Variants in BOD1L1 observed in about 807,000 individuals in gnomAD.
BOD1L1 encodes biorientation of chromosomes in cell division 1 like 1, also known as biorientation of chromosomes in cell division protein 1-like 1.
A neutral mutation model predicts 240.7 loss-of-function variants in BOD1L1; 86 were observed. That is an observed-to-expected ratio of 0.36 (90% confidence interval 0.30 to 0.43). BOD1L1 has a LOEUF of 0.43. Ranked by LOEUF, BOD1L1 falls within the 20% of genes least tolerant of loss-of-function variation. The pLI, the probability that BOD1L1 is intolerant of heterozygous loss-of-function variation, is 1.00. For synonymous variants in BOD1L1, 1,268 were observed against 1,272.3 expected (o/e 1.00, Z 0.07); for missense variants, 3,554 against 3,643.5 (o/e 0.98, Z 0.63).
Position 13,599,647 on chromosome 4 carries a change from G to A in BOD1L1, c.7253C>T (p.Ala2418Val), listed in dbSNP as rs1401949798. 1 of 1,613,858 alleles carries A rather than the reference G, an allele frequency of 6.2e-7. No individual in the cohort carries two copies. Among genetic ancestry groups the A allele is most frequent in the East Asian group, 2.2e-5 (1 of 44,896 alleles). ...HNGPSVHKPSAGQGHPSAVCA... is the reference protein window; with the variant it reads ...HNGPSVHKPSVGQGHPSAVCA... ...AACAGCACTTGGATGGCCTTGCCCT[G>A]CAGAGGGCTTGTGGACTGATGGCCC... The change falls in exon 10 of 26, where the codon GCA becomes GTA. Residue 2418 changes from alanine (A) to valine (V), a missense_variant. By Grantham distance (64) the Ala-to-Val change is moderately conservative (BLOSUM62 0). Transcript: ENST00000040738.
At position 13,609,377 on chromosome 4, in the gene BOD1L1, T is replaced by C; in HGVS notation, c.1521A>G (p.Arg507=). ...IAKEKEERLL[R]RQINREKLEE... ...CAAGTTTTTCTCTATTGATTTGCCT[T>C]CTTAAAAGCCTCTCTTCTTTTTCTT... Residue 507 remains arginine (R), a synonymous_variant, in exon 7 of 26, where the codon AGA becomes AGG. Coordinates refer to ENST00000040738, the MANE Select transcript of BOD1L1 (RefSeq NM_148894.3). 1.3e-6 allele frequency: 2 copies of C among 1,535,236 alleles called. No individual in the cohort carries two copies. Among genetic ancestry groups the C allele is most frequent in the East Asian group, 4.8e-5 (2 of 41,476 alleles).
At chr4:13,622,015 C>A (rs1238937489) in intron 1 of BOD1L1, among the ~76,000 whole-genome samples, 4 of 151,940 alleles carry the variant, frequency 2.6e-5, no homozygotes, top group African/African-American at 9.7e-5. Flanking sequence ...CAGGCATGCG[C>A]CACCACACCT....
At position 13,603,028 on chromosome 4, in the gene BOD1L1, G is replaced by A. The variant is rs1371003663; in HGVS notation, c.3872C>T (p.Pro1291Leu). The change falls in exon 10 of 26, where the codon CCT becomes CTT. Residue 1291 changes from proline to leucine, a missense_variant. Pro to Leu is a moderately conservative substitution (Grantham distance 98). Transcript: ENST00000040738. ...SPSLSSVTVV[P>L]LRESYDPDVI... ...ATCTGGATCATACGATTCCCTCAGA[G>A]GCACAACAGTCACTGAACTTAAGGA... 6.2e-7 allele frequency: 1 copy of A among 1,613,970 alleles called. No homozygotes were observed. The highest frequency in any genetic ancestry group is 8.5e-7 in the Non-Finnish European group (1 of 1,179,874).
chr4:13,576,322 A>G (rs1279437070), intron 25 of BOD1L1, among the ~76,000 whole-genome samples: 1 of 152,176 alleles, frequency 6.6e-6, no homozygotes, highest in Admixed American at 6.5e-5. Flanking sequence ...TCTGGCTACA[A>G]TAGGGTTTGA....
chr4:13,588,119 C>A (rs768441494), intron 15 of BOD1L1, among the ~76,000 whole-genome samples: 2 of 147,446 alleles, frequency 1.4e-5, no homozygotes, highest in Non-Finnish European at 3.0e-5. Flanking sequence ...ACCCCGGAGG[C>A]GGAGCTTGCA....
At chr4:13,608,810 T>A in intron 7 of BOD1L1, 142 bp from the exon 8 acceptor site, 2 of 631,862 alleles carry the variant, frequency 3.2e-6, no homozygotes, top group Admixed American at 4.1e-5. Context: ...ATAGATATAA[T>A]ATTTTGGATG....
chr4:13,576,022 C>G (rs1019288726), intron 25 of BOD1L1, among the ~76,000 whole-genome samples: 4 of 151,366 alleles, frequency 2.6e-5, no homozygotes, highest in African/African-American at 9.7e-5. Flanking sequence ...CCTGCCTCAG[C>G]CTCCCGAGTA....
chr4:13,608,493 G>T, intron 8 of BOD1L1, 37 bp downstream of exon 8: 1 of 1,457,808 alleles, frequency 6.9e-7, no homozygotes, highest in Non-Finnish European at 9.0e-7. Flanking sequence ...ACCCAGGGGA[G>T]TGTTATAAGG....
At position 13,599,938 on chromosome 4, in the gene BOD1L1, A is replaced by G. The variant is rs779555940; in HGVS notation, c.6962T>C (p.Val2321Ala). Residue 2321 changes from valine (V) to alanine (A), a missense_variant, in exon 10 of 26, where the codon GTA becomes GCA. Coordinates refer to ENST00000040738, the MANE Select transcript of BOD1L1 (RefSeq NM_148894.3). The part of the protein sequence containing the change: ...QDEDRLTITR[V>A]EDLSDAAIIS... ...GATGGCAGCATCGCTCAAGTCTTCT[A>G]CTCTTGTGATGGTGAGCCGATCTTC... 2 of 1,613,060 alleles carry G rather than the reference A, an allele frequency of 1.2e-6. No individual in the cohort carries two copies. The highest frequency in any genetic ancestry group is 1.7e-6 in the Non-Finnish European group (2 of 1,179,534).
rs1715437021 is a variant in BOD1L1 at position 13,603,847 on chromosome 4, T to C, written c.3053A>G (p.Asp1018Gly). The C allele has an allele frequency of 1.2e-6, 2 of 1,613,512 alleles. No homozygotes were observed. Among genetic ancestry groups the C allele is most frequent in the East Asian group, 2.2e-5 (1 of 44,878 alleles). The stretch of plus-strand genomic sequence containing the variant: ...CTTTAAGCTTCTGCTTTTGTGGCCA[T>C]CTGACAACTTTCTCTCAAGCCTGGT... The part of the protein sequence containing the change: ...TSTRLERKLS[D>G]GHKSRSLKHS... The change falls in exon 10 of 26, where the codon GAT becomes GGT. Residue 1018 changes from aspartate to glycine, a missense_variant. Transcript: ENST00000040738.
At chr4:13,581,857 T>G (rs1164079055) in intron 19 of BOD1L1, among the ~76,000 whole-genome samples, 1 of 152,190 alleles carries the variant, frequency 6.6e-6, no homozygotes, top group African/African-American at 2.4e-5. Flanking sequence ...CACACCCTGC[T>G]GCTGTTCCTA....
chr4:13,615,618 T>C (rs1716525634), intron 2 of BOD1L1, 116 bp from the exon 3 acceptor site: 10 of 998,120 alleles, frequency 1.0e-5, no homozygotes, highest in Non-Finnish European at 7.1e-6. Flanking sequence ...CAACCTTAAA[T>C]TGTCCCAATC....
chr4:13,602,288 C>G lies in BOD1L1; in HGVS notation c.4612G>C (p.Ala1538Pro). 2 of 1,613,836 alleles carry G rather than the reference C, an allele frequency of 1.2e-6. No homozygotes were observed. Among genetic ancestry groups the G allele is most frequent in the South Asian group, 2.2e-5 (2 of 91,058 alleles). ...CTTGTTTCTGAAGAAGTGGTTGTGG[C>G]AGGCCCAGCCTTCACTGGACTTAAG... ...VTLSPVKAGP[A>P]TTTSSETRQS... Residue 1538 changes from alanine to proline, a missense_variant, in exon 10 of 26, where the codon GCC (alanine) becomes CCC (proline). This residue lies in a region of BOD1L1 where 3,393 missense variants were observed against 3,427.1 expected (regional missense o/e 0.99). Coordinates refer to ENST00000040738, the MANE Select transcript of BOD1L1 (RefSeq NM_148894.3).
intron 25 of BOD1L1, 92 bp downstream of exon 25, chr4:13,576,746 T>G: frequency 1.4e-6 from 2 of 1,443,302 alleles, no homozygotes; most frequent in Non-Finnish European, 1.9e-6. Flanking sequence ...GCATGAATGA[T>G]TCAGTTCAAA....
Position 13,587,873 on chromosome 4 carries a change from T to C in BOD1L1, c.8281-102A>G, listed in dbSNP as rs187574616. The C allele has an allele frequency of 2.1e-3, 1,612 of 774,136 alleles. 2 individuals are homozygous for C. The highest frequency in any genetic ancestry group is 9.5e-3 in the African/African-American group (548 of 57,512). 48.0% of individuals were successfully genotyped at this position (774,136 alleles called of 1,614,324 possible). A position where few individuals can be genotyped will look rare whatever the true frequency, so the allele number is the denominator to read the frequency against. On this transcript the variant is annotated intron_variant, in intron 15 of 25. Transcript: ENST00000040738. ...GATTCTAACCTTTGGAATAAGTTGA[T>C]ATATAAATTTTTTAAAAATCTAGAA...
At position 13,597,308 on chromosome 4, in the gene BOD1L1, G is replaced by T. The variant is rs1714706252; in HGVS notation, c.7955-140C>A. 6 of 647,456 alleles carry T rather than the reference G, an allele frequency of 9.3e-6. No homozygotes were observed. In the South Asian group the frequency reaches 9.3e-5, roughly 10 times the overall value. 40.1% of individuals were successfully genotyped at this position (647,456 alleles called of 1,614,324 possible). On this transcript the variant is annotated intron_variant, in intron 10 of 25. Transcript: ENST00000040738. ...GTTTATTTTGCTGTCAGTAGAAAAT[G>T]ATCAAAAGGAATATGTTGTATAAAA...
rs752038108 is a variant in BOD1L1 at position 13,600,526 on chromosome 4, C to T, written c.6374G>A (p.Gly2125Glu). The change falls in exon 10 of 26, where the codon GGA becomes GAA. Residue 2125 changes from glycine to glutamate, a missense_variant. Physicochemically the swap from Gly to Glu is moderately conservative, Grantham distance 98. Coordinates refer to ENST00000040738, the MANE Select transcript of BOD1L1 (RefSeq NM_148894.3). ...GCTGGCAGTGAGTTGGCTGTCATCT[C>T]CTGAGACTGCACTGGGCATGGGGGC... Reference protein sequence around the residue: ...FEAPMPSAVSGDDSQLTASRS... With the variant: ...FEAPMPSAVSEDDSQLTASRS... 1 of 1,613,928 alleles carries T rather than the reference C, an allele frequency of 6.2e-7. No homozygotes were observed. Among genetic ancestry groups the T allele is most frequent in the East Asian group, 2.2e-5 (1 of 44,862 alleles).
chr4:13,584,805 C>T (rs1713542748), intron 17 of BOD1L1, among the ~76,000 whole-genome samples: 1 of 152,076 alleles, frequency 6.6e-6, no homozygotes, highest in African/African-American at 2.4e-5. Flanking sequence ...AGAATAATGA[C>T]TTTATTGATT....
At position 13,599,526 on chromosome 4, in the gene BOD1L1, A is replaced by T. The variant is rs759413804; in HGVS notation, c.7374T>A (p.Asn2458Lys). ...TCAACAATACATTCTTCTCTTCTGC[A>T]TTTATGAGGTGTAAAGTGCTCTCTT... ...GQKESTLHLI[N>K]AEEKNVLLNS... is the part of the protein sequence containing the mutation. The change falls in exon 10 of 26, where the codon AAT becomes AAA. Residue 2458 changes from asparagine (N) to lysine (K), a missense_variant. Physicochemically the swap from Asn to Lys is moderately conservative, Grantham distance 94 (BLOSUM62 0). Coordinates refer to ENST00000040738, the MANE Select transcript of BOD1L1 (RefSeq NM_148894.3). The T allele has an allele frequency of 1.9e-6, 3 of 1,613,952 alleles. No homozygotes were observed. In the South Asian group the frequency reaches 3.3e-5, roughly 18 times the overall value.
Sources: gnomAD v4.1 joint callset for allele counts (sites outside exome capture counted in the v4.1 genomes callset) on GRCh38, gnomAD v4.1.1 for gene constraint, gnomAD v4.1.1 regional missense constraint, MANE v1.5 for transcripts, NCBI Gene and HGNC (gene_info 2026-07-23, HGNC 2026-07-21) for gene names.